FSAF1: variants seen among roughly 807,000 people sequenced by gnomAD.
FSAF1 encodes 40S small subunit processome assembly factor 1, also known as uncharacterized protein C1orf131.
the FSAF1 span, chr1:231,225,909 T>C: frequency 1.0e-5 from 2 of 200,366 alleles, no homozygotes; most frequent in African/African-American, 2.3e-5. Flanking sequence ...TCTTCCATTT[T>C]AGGTGAAAGG....
the FSAF1 span, among the ~76,000 whole-genome samples, chr1:231,229,492 G>C: frequency 8.5e-5 from 13 of 152,212 alleles, no homozygotes; most frequent in Middle Eastern, 3.2e-3. Context: ...CATATGATCT[G>C]ACAATTCCTC....
At chr1:231,229,679 C>T in the FSAF1 span, among the ~76,000 whole-genome samples, 2 of 152,310 alleles carry the variant, frequency 1.3e-5, no homozygotes, top group African/African-American at 2.4e-5. Context: ...AGAAGGAACT[C>T]CTAACCCATG....
the FSAF1 span, chr1:231,226,931 T>A: frequency 2.5e-6 from 4 of 1,611,584 alleles, no homozygotes; most frequent in Non-Finnish European, 3.4e-6. Flanking sequence ...CTTGCTTTTT[T>A]TGCATGTTGT....
At chr1:231,238,042 C>A in the FSAF1 span, 1 of 152,254 alleles carries the variant, frequency 6.6e-6, no homozygotes, top group Non-Finnish European at 1.5e-5. Context: ...ACTAGCCAGG[C>A]GTGGTGGCAG....
chr1:231,234,364 C>A, the FSAF1 span, among the ~76,000 whole-genome samples: 1 of 152,200 alleles, frequency 6.6e-6, no homozygotes, highest in African/African-American at 2.4e-5. This position sits in a 1 kb window ranked among gnomAD's most constrained non-coding sequence, Gnocchi z 4.0. Flanking sequence ...GCTCTAAGGG[C>A]TGAGCAACAC....
chr1:231,224,544 CA>C, the FSAF1 span: 1 of 852,606 alleles, frequency 1.2e-6, no homozygotes, highest in South Asian at 1.9e-5. Context: ...CCCCCCACCC[CA>C]TACGCCTTCC....
the FSAF1 span, among the ~76,000 whole-genome samples, chr1:231,233,335 C>A: frequency 1.3e-5 from 2 of 152,174 alleles, no homozygotes; most frequent in Non-Finnish European, 2.9e-5. Flanking sequence ...CTGAACCCAA[C>A]CTTTGGCACT....
At chr1:231,238,945 A>C in the FSAF1 span, 3 of 1,613,964 alleles carry the variant, frequency 1.9e-6, no homozygotes, top group African/African-American at 2.7e-5. Context: ...ATTGTTCTTT[A>C]GGGAAGAGGG....
At chr1:231,224,321 T>G in the FSAF1 span, 1 of 1,613,540 alleles carries the variant, frequency 6.2e-7, no homozygotes, top group Non-Finnish European at 8.5e-7. Flanking sequence ...TGATATCAAC[T>G]GGGCTCAGAA....
chr1:231,225,281 C>G, the FSAF1 span: 4 of 593,094 alleles, frequency 6.7e-6, no homozygotes, highest in South Asian at 2.3e-5. Context: ...GAGAAACTTC[C>G]TAATTCAGTT....
At chr1:231,224,110 G>T in the FSAF1 span, 1 of 739,528 alleles carries the variant, frequency 1.4e-6, no homozygotes, top group Non-Finnish European at 2.1e-6. Context: ...GCACCATGAA[G>T]CAGACACTTC....
At chr1:231,240,832 T>G in the FSAF1 span, among the ~76,000 whole-genome samples, 1 of 152,066 alleles carries the variant, frequency 6.6e-6, no homozygotes, top group African/African-American at 2.4e-5. This position sits in a 1 kb window ranked among gnomAD's most constrained non-coding sequence, Gnocchi z 4.1. Context: ...GATGAATAAC[T>G]CAGCAGAGCC....
the FSAF1 span, chr1:231,225,268 T>C: frequency 1.9e-5 from 11 of 582,620 alleles, no homozygotes; most frequent in Non-Finnish European, 3.4e-5. Context: ...AAGTGGAAGA[T>C]TGGAGAAACT....
At chr1:231,238,698 T>G in the FSAF1 span, 2 of 629,964 alleles carry the variant, frequency 3.2e-6, no homozygotes, top group Non-Finnish European at 5.4e-6. Flanking sequence ...ACATGACTGA[T>G]AAGGGCTATA....
At chr1:231,230,022 A>C in the FSAF1 span, among the ~76,000 whole-genome samples, 1 of 152,344 alleles carries the variant, frequency 6.6e-6, no homozygotes, top group Non-Finnish European at 1.5e-5. Flanking sequence ...ATTTTACCAC[A>C]ATTAAAAAAA....
chr1:231,227,823 T>G, the FSAF1 span, among the ~76,000 whole-genome samples: 6 of 147,314 alleles, frequency 4.1e-5, no homozygotes, highest in African/African-American at 1.5e-4. Flanking sequence ...TCTCCTGACC[T>G]CATGATCCAC....
chr1:231,239,206 A>G, the FSAF1 span: 17 of 1,522,560 alleles, frequency 1.1e-5, no homozygotes, highest in African/African-American at 2.8e-5. Context: ...TTCAAACACA[A>G]GAAGGAAAAT....
At chr1:231,224,581 C>T in the FSAF1 span, 19,286 of 619,692 alleles carry the variant, frequency 0.031, 413 homozygotes, top group South Asian at 0.042. Flanking sequence ...ATGCTACTGC[C>T]TTCCTGCCTC....
the FSAF1 span, chr1:231,226,476 C>T: frequency 3.1e-5 from 16 of 523,954 alleles, no homozygotes; most frequent in East Asian, 1.9e-4. Flanking sequence ...TTATAAATTA[C>T]GCAGCATCAG....
Sources: gnomAD v4.1 joint callset for allele counts (sites outside exome capture counted in the v4.1 genomes callset) on GRCh38, gnomAD v4.1.1 for gene constraint, Gnocchi (gnomAD v3.1) non-coding constraint, MANE v1.5 for transcripts, NCBI Gene and HGNC (gene_info 2026-07-23, HGNC 2026-07-21) for gene names.